RHEB: variants seen among roughly 807,000 people sequenced by gnomAD.
RHEB encodes Ras homolog, mTORC1 binding.
A neutral mutation model predicts 28.8 loss-of-function variants in RHEB; 2 were observed. The observed-to-expected ratio is 0.07, with a 90% CI of 0.03 to 0.22. RHEB has a LOEUF of 0.22. Ranked by LOEUF, RHEB falls within the 10% of genes least tolerant of loss-of-function variation. The probability of loss-of-function intolerance (pLI) is 1.00; values close to 1 mark genes in which losing one functional copy is unlikely to be tolerated. For missense variants in RHEB, 76 were observed against 219.9 expected, an observed-to-expected ratio of 0.35 and a Z score of 4.14; for synonymous variants, 69 against 77.3, an observed-to-expected ratio of 0.89 and a Z score of 0.56.
chr7:151,470,651 C>T lies in RHEB; in HGVS notation c.382G>A (p.Val128Met). 9 of 1,600,920 alleles carry T rather than the reference C, an allele frequency of 5.6e-6. No homozygotes were observed. The highest frequency in any genetic ancestry group is 7.7e-6 in the Non-Finnish European group (9 of 1,172,668). Reference protein sequence around the residue: ...GNKKDLHMERVISYEEGKALA... With the variant: ...GNKKDLHMERMISYEEGKALA... Reference sequence around the variant, plus strand: ...GCTTTCCCTTCTTCATAACTGATCACCCTAAAGAAAAAATAAAATTCTAGT... The same window carrying T: ...GCTTTCCCTTCTTCATAACTGATCATCCTAAAGAAAAAATAAAATTCTAGT... The change falls in exon 7 of 8, where the codon GTG becomes ATG. Residue 128 changes from valine (V) to methionine (M), a missense_variant and splice_region_variant. Transcript: ENST00000262187.
rs557929731 is a variant in RHEB at position 151,487,596 on chromosome 7, A to G, written c.125-2792T>C. Among the ~76,000 whole-genome samples, 13 of 152,324 alleles carry G rather than the reference A, an allele frequency of 8.5e-5. No individual in the cohort carries two copies. The South Asian group carries it at 2.3e-3, about 27-fold the overall frequency. On this transcript the variant is annotated intron_variant, in intron 2 of 7. Transcript: ENST00000262187. ...GAATGTAACTTGTCCTACTTGTAGCAGTAAAATGAAAAAGACCTTCCATCT... is the reference window on the plus strand; with the variant it reads ...GAATGTAACTTGTCCTACTTGTAGCGGTAAAATGAAAAAGACCTTCCATCT...
At chr7:151,492,627 A>G (rs1419001730) in intron 1 of RHEB, among the ~76,000 whole-genome samples, 3 of 151,896 alleles carry the variant, frequency 2.0e-5, no homozygotes, top group Non-Finnish European at 4.4e-5. Context: ...ATAAAAAAAA[A>G]AAAAGAAAAA....
chr7:151,498,218 C>T lies in RHEB; in HGVS notation c.53-7204G>A, dbSNP rs1048310940. The T allele has an allele frequency of 5.3e-6, 6 of 1,132,864 alleles. No individual in the cohort carries two copies. The Admixed American group carries it at 1.4e-4, about 26-fold the overall frequency. The allele number at this position is 1,132,864 out of a possible 1,614,324, so 70.2% of individuals were successfully genotyped here. On this transcript the variant is annotated intron_variant, in intron 1 of 7. Coordinates refer to ENST00000262187, the MANE Select transcript of RHEB (RefSeq NM_005614.4). ...GGTCAGGTAAATAGAGTTTAAAGTA[C>T]TGGAGGCAATTAAGGAAGAGGAAGA...
intron 2 of RHEB, among the ~76,000 whole-genome samples, chr7:151,486,542 T>G (rs1005686656): frequency 1.3e-5 from 2 of 152,072 alleles, no homozygotes; most frequent in African/African-American, 4.8e-5. Context: ...AAAAAGTCAA[T>G]GCAGCTAAAG....
chr7:151,511,982 T>C (rs1231537659), intron 1 of RHEB, among the ~76,000 whole-genome samples: 1 of 152,212 alleles, frequency 6.6e-6, no homozygotes, highest in Non-Finnish European at 1.5e-5. Context: ...CAGCAATTCA[T>C]GTTAAAAGGA....
intron 3 of RHEB, among the ~76,000 whole-genome samples, chr7:151,480,402 CA>C (rs1269511665): frequency 6.8e-6 from 1 of 147,000 alleles, no homozygotes; most frequent in Admixed American, 7.0e-5. Context: ...GGAAAAAAAA[CA>C]AAACAAAACC....
chr7:151,490,861 T>C (rs191002215), intron 2 of RHEB, 82 bp downstream of exon 2: 22 of 1,060,666 alleles, frequency 2.1e-5, no homozygotes, highest in African/African-American at 3.1e-5. Context: ...CCTCCTGCAC[T>C]CAAAGCCTCC....
chr7:151,492,483 G>C (rs557775545), intron 1 of RHEB, among the ~76,000 whole-genome samples: 1 of 152,050 alleles, frequency 6.6e-6, no homozygotes, highest in South Asian at 2.1e-4. Context: ...CAAGCGTGGT[G>C]ATGGGCACCT....
chr7:151,486,862 AAG>A (rs1802484842), intron 2 of RHEB, among the ~76,000 whole-genome samples: 1 of 152,222 alleles, frequency 6.6e-6, no homozygotes, highest in Non-Finnish European at 1.5e-5. Flanking sequence ...TAAGAAAATG[AAG>A]AGTCAGGATG....
At position 151,471,450 on chromosome 7, in the gene RHEB, A is replaced by G; in HGVS notation, c.333-9T>C. ...CCAACATAATAGGTATTCTATTTGTAAGAAAAAAAAGACAAACCAGTAAGT... is the reference window on the plus strand; with the variant it reads ...CCAACATAATAGGTATTCTATTTGTGAGAAAAAAAAGACAAACCAGTAAGT... On this transcript the variant is annotated splice_polypyrimidine_tract_variant and intron_variant, in intron 5 of 7. Coordinates refer to ENST00000262187, the MANE Select transcript of RHEB (RefSeq NM_005614.4). 6.4e-7 allele frequency: 1 copy of G among 1,571,018 alleles called. No homozygotes were observed. Among genetic ancestry groups the G allele is most frequent in the Non-Finnish European group, 8.7e-7 (1 of 1,145,188 alleles).
At chr7:151,511,185 A>G (rs1436819952) in intron 1 of RHEB, among the ~76,000 whole-genome samples, 6 of 152,224 alleles carry the variant, frequency 3.9e-5, no homozygotes, top group African/African-American at 1.4e-4. Flanking sequence ...AAACTGTATT[A>G]ACTGTAAAAG....
chr7:151,497,459 C>A (rs1440446924), intron 1 of RHEB, among the ~76,000 whole-genome samples: 1 of 152,208 alleles, frequency 6.6e-6, no homozygotes, highest in Non-Finnish European at 1.5e-5. Context: ...CTATTATCAC[C>A]TATCGCCTCC....
chr7:151,518,848 G>C (rs757902969), intron 1 of RHEB, among the ~76,000 whole-genome samples: 7 of 151,920 alleles, frequency 4.6e-5, no homozygotes, highest in Non-Finnish European at 8.8e-5. Context: ...GCAGCATCTC[G>C]AGGGCCTCCA....
intron 1 of RHEB, among the ~76,000 whole-genome samples, chr7:151,513,850 G>A (rs1310808360): frequency 6.6e-6 from 1 of 152,158 alleles, no homozygotes; most frequent in African/African-American, 2.4e-5. Context: ...CTGCAAAACC[G>A]TGAAACACCT....
chr7:151,505,156 A>G (rs1003303948), intron 1 of RHEB, among the ~76,000 whole-genome samples: 25 of 126,614 alleles, frequency 2.0e-4, no homozygotes, highest in African/African-American at 7.2e-4. Flanking sequence ...GACACGATAC[A>G]AAATAAACAA....
rs370458727 is a variant in RHEB, at chr7:151,467,101, T to C, written c.*18A>G. The C allele has an allele frequency of 3.8e-6, 6 of 1,591,310 alleles. No homozygotes were observed. In the African/African-American group the frequency reaches 5.4e-5, roughly 14 times the overall value. On this transcript the variant is annotated 3_prime_UTR_variant, in exon 8 of 8. Coordinates refer to ENST00000262187, the MANE Select transcript of RHEB (RefSeq NM_005614.4). Reference sequence around the variant, plus strand: ...CAGGTAGAATATATTCCCAGTGTCCTCAGGCTTTGCAGCAGAATCACATCA... The same window carrying C: ...CAGGTAGAATATATTCCCAGTGTCCCCAGGCTTTGCAGCAGAATCACATCA...
intron 4 of RHEB, among the ~76,000 whole-genome samples, chr7:151,474,382 T>C (rs746916108): frequency 7.2e-5 from 11 of 152,156 alleles, no homozygotes; most frequent in East Asian, 3.8e-4. Flanking sequence ...GGTTTCACCA[T>C]GTTGGCCAGG....
rs147859754 is a variant in RHEB, at chr7:151,466,562, C to CTGCGCAGGA, written c.*556_*557insTCCTGCGCA. 10,835 of 154,434 alleles carry CTGCGCAGGA rather than the reference C, an allele frequency of 0.07. 509 individuals carry two copies. The highest frequency in any genetic ancestry group is 0.13 in the African/African-American group (5,233 of 41,534). 9.6% of individuals were successfully genotyped at this position (154,434 alleles called of 1,614,324 possible). ...TGCAGGCCACTGCGCAGGGAGTCCA[C>CTGCGCAGGA]GGTCAGCAGCCACCTCAGCACACCT... is the stretch of plus-strand genomic sequence containing the variant. On this transcript the variant is annotated 3_prime_UTR_variant, in exon 8 of 8. Coordinates refer to ENST00000262187, the MANE Select transcript of RHEB (RefSeq NM_005614.4).
chr7:151,509,207 T>G (rs1327671217), intron 1 of RHEB, among the ~76,000 whole-genome samples: 1 of 152,156 alleles, frequency 6.6e-6, no homozygotes, highest in Non-Finnish European at 1.5e-5. Context: ...TCCTGCGGTG[T>G]GAGGGTATGC....
Sources: allele counts gnomAD v4.1 joint callset (sites outside exome capture counted in the v4.1 genomes callset), GRCh38; gene constraint gnomAD v4.1.1; transcripts MANE v1.5; gene names NCBI Gene and HGNC (gene_info 2026-07-23, HGNC 2026-07-21).